Variants in RBM12B observed in about 807,000 individuals in gnomAD.
RBM12B encodes the protein RNA-binding protein 12B.
In RBM12B, 10 loss-of-function variants were observed where a neutral mutation model predicts 34.3. That is an observed-to-expected ratio of 0.29 (90% CI 0.18 to 0.49). The LOEUF (loss-of-function observed/expected upper bound fraction) is 0.49. Ranked by LOEUF, RBM12B falls within the 20% of genes least tolerant of loss-of-function variation. RBM12B has a pLI of 0.99. For missense variants in RBM12B, 1,139 were observed against 1,262.7 expected (o/e 0.90, Z 1.48); for synonymous variants, 477 against 437.1 (o/e 1.09, Z -1.14).
Position 93,728,477 on chromosome 8 carries a change from C to T in RBM12B, c.*4928G>A. On this transcript the variant is annotated 3_prime_UTR_variant, in exon 4 of 4. Coordinates refer to ENST00000520560, the MANE Select transcript of RBM12B (RefSeq NM_001377960.1). ...GCTTTAAAAAATATTGCATACCAGTCATTTCAACATCCTACCTAGTGTTAC... is the reference window on the plus strand; with the variant it reads ...GCTTTAAAAAATATTGCATACCAGTTATTTCAACATCCTACCTAGTGTTAC... 2.2e-6 allele frequency: 1 copy of T among 464,426 alleles called. No individual in the cohort carries two copies. The highest frequency in any genetic ancestry group is 4.1e-5 in the South Asian group (1 of 24,346). The allele number at this position is 464,426 out of a possible 1,614,324, so 28.8% of individuals were successfully genotyped here.
chr8:93,734,435 A>G lies in RBM12B; in HGVS notation c.1976T>C (p.Leu659Ser), dbSNP rs1175336737. 6.2e-7 allele frequency: 1 copy of G among 1,605,052 alleles called. No individual in the cohort carries two copies. The highest frequency in any genetic ancestry group is 2.3e-5 in the East Asian group (1 of 44,184). ...GAAATCTTCCTCTGGGAGCCACCTT[A>G]AGTCCTCCTCAGGGGGTTGCCTGAA... ...EDFRQPPEED[L>S]RWLPEEDFRR... is the part of the protein sequence containing the mutation. Residue 659 changes from leucine (L) to serine (S), a missense_variant, in exon 4 of 4, where the codon TTA becomes TCA. Leu to Ser is a moderately radical substitution (Grantham distance 145). Around this residue, in one of 3 missense-constraint regions of RBM12B, gnomAD observed 863 missense variants for 869.5 expected, o/e 0.99. Transcript: ENST00000520560.
At chr8:93,737,725 G>C (rs943500791) in intron 2 of RBM12B, among the ~76,000 whole-genome samples, 1 of 150,802 alleles carries the variant, frequency 6.6e-6, no homozygotes, top group Non-Finnish European at 1.5e-5. Context: ...TCTATCCTTA[G>C]GGTCTATACA....
At position 93,733,612 on chromosome 8, in the gene RBM12B, T is replaced by G. The variant is rs747435563; in HGVS notation, c.2799A>C (p.Pro933=). 2 of 1,613,956 alleles carry G rather than the reference T, an allele frequency of 1.2e-6. No individual in the cohort carries two copies. Among genetic ancestry groups the G allele is most frequent in the Non-Finnish European group, 1.7e-6 (2 of 1,179,904 alleles). The part of the protein sequence containing the change: ...RVTPIKIMNL[P]FKANVNEILD... ...AAATTTCATTCACATTAGCTTTAAA[T>G]GGAAGATTCATTATCTTAATAGGAG... Residue 933 remains proline (P), a synonymous_variant, in exon 4 of 4, where the codon CCA becomes CCC. Transcript: ENST00000520560.
chr8:93,739,017 A>G (rs1483872781), intron 2 of RBM12B: 5 of 152,356 alleles, frequency 3.3e-5, no homozygotes, highest in Non-Finnish European at 5.9e-5. Flanking sequence ...AAAAAAAGAA[A>G]AAAAGCCTAT....
rs1390203027 is a variant in RBM12B at position 93,735,550 on chromosome 8, G to A, written c.861C>T (p.His287=). 3 of 1,613,908 alleles carry A rather than the reference G, an allele frequency of 1.9e-6. No individual in the cohort carries two copies. In the African/African-American group the frequency reaches 4.0e-5, roughly 22 times the overall value. Residue 287 remains histidine, a synonymous_variant, in exon 4 of 4, where the codon CAC becomes CAT. Transcript: ENST00000520560. ...RSRSPLGFYV[H]LKNLSLSIDE... is the part of the protein sequence containing the mutation. Reference sequence around the variant, plus strand: ...CAATACTGAGGGACAGATTTTTTAAGTGAACATAAAATCCAAGAGGGGAAC... The same window carrying A: ...CAATACTGAGGGACAGATTTTTTAAATGAACATAAAATCCAAGAGGGGAAC...
rs376017277 is a variant in RBM12B, at chr8:93,735,809, A to G, written c.602T>C (p.Phe201Ser). ...TCCTGAAGCATCAACACATGAAGCA[A>G]ATTTTACTATGGCATCACCATTATT... ...GRNNGDAIVK[F>S]ASCVDASGGL... Residue 201 changes from phenylalanine (F) to serine (S), a missense_variant, in exon 4 of 4, where the codon TTT (phenylalanine) becomes TCT (serine). Coordinates refer to ENST00000520560, the MANE Select transcript of RBM12B (RefSeq NM_001377960.1). 1.2e-6 allele frequency: 2 copies of G among 1,614,136 alleles called. No individual in the cohort carries two copies. Among genetic ancestry groups the G allele is most frequent in the Admixed American group, 1.7e-5 (1 of 60,026 alleles).
In RBM12B at chr8:93,729,414, T is replaced by G. The variant is rs1811698850; in HGVS notation, c.*3991A>C. On this transcript the variant is annotated 3_prime_UTR_variant, in exon 4 of 4. Coordinates refer to ENST00000520560, the MANE Select transcript of RBM12B (RefSeq NM_001377960.1). Reference sequence around the variant, plus strand: ...CAAGATATCATTGGATATTTACTGCTTCCTCACTCAGTATTTAAATTTGGT... The same window carrying G: ...CAAGATATCATTGGATATTTACTGCGTCCTCACTCAGTATTTAAATTTGGT... The G allele has an allele frequency of 1.3e-5, 2 of 152,174 alleles. No individual in the cohort carries two copies. Among genetic ancestry groups the G allele is most frequent in the Admixed American group, 1.3e-4 (2 of 15,274 alleles). 9.4% of individuals were successfully genotyped at this position (152,174 alleles called of 1,614,324 possible). A position where few individuals can be genotyped will look rare whatever the true frequency, so the allele number is the denominator to read the frequency against.
At chr8:93,738,906 A>G (rs1812107735) in intron 2 of RBM12B, 1 of 152,242 alleles carries the variant, frequency 6.6e-6, no homozygotes, top group Non-Finnish European at 1.5e-5. Flanking sequence ...GGGTACGTAG[A>G]TTAACCAGAA....
rs1172271050 is a variant in RBM12B at position 93,730,547 on chromosome 8, G to A, written c.*2858C>T. 3 of 152,196 alleles carry A rather than the reference G, an allele frequency of 2.0e-5. No homozygotes were observed. The highest frequency in any genetic ancestry group is 2.9e-5 in the Non-Finnish European group (2 of 68,048). 9.4% of individuals were successfully genotyped at this position (152,196 alleles called of 1,614,324 possible). A position where few individuals can be genotyped will look rare whatever the true frequency, so the allele number is the denominator to read the frequency against. ...ACGACAATTACTGAAGCTGAGTGAT[G>A]TGTACATGAAAATTTACTATTCTTT... On this transcript the variant is annotated 3_prime_UTR_variant, in exon 4 of 4. Transcript: ENST00000520560.
In RBM12B at chr8:93,735,958, C is replaced by T. The variant is rs1812006791; in HGVS notation, c.453G>A (p.Lys151=). The part of the protein sequence containing the change: ...NLRPRKTRPL[K]AENPYLFLRG... ...GTAGAAACAAGTAAGGATTCTCGGC[C>T]TTCAATGGCCTTGTCTTTCTTGGCC... Residue 151 remains lysine (K), a synonymous_variant, in exon 4 of 4, where the codon AAG becomes AAA. Transcript: ENST00000520560. The T allele has an allele frequency of 6.2e-7, 1 of 1,614,108 alleles. No homozygotes were observed. Among genetic ancestry groups the T allele is most frequent in the South Asian group, 1.1e-5 (1 of 91,086 alleles).
rs745616903 is a variant in RBM12B, at chr8:93,728,163, A to T, written c.*5242T>A. The T allele has an allele frequency of 1.6e-6, 2 of 1,289,982 alleles. No individual in the cohort carries two copies. Among genetic ancestry groups the T allele is most frequent in the Non-Finnish European group, 1.0e-6 (1 of 956,348 alleles). The allele number at this position is 1,289,982 out of a possible 1,614,324, so 79.9% of individuals were successfully genotyped here. A position where few individuals can be genotyped will look rare whatever the true frequency, so the allele number is the denominator to read the frequency against. On this transcript the variant is annotated 3_prime_UTR_variant, in exon 4 of 4. Transcript: ENST00000520560. ...ATACCAAGAATGTAAAATTTTTTTA[A>T]GTTAGTATTTTTATTTTAAAAAGTG...
Position 93,735,551 on chromosome 8 carries a change from T to C in RBM12B, c.860A>G (p.His287Arg), listed in dbSNP as rs971513049. ...AATACTGAGGGACAGATTTTTTAAGTGAACATAAAATCCAAGAGGGGAACG... is the reference window on the plus strand; with the variant it reads ...AATACTGAGGGACAGATTTTTTAAGCGAACATAAAATCCAAGAGGGGAACG... The part of the protein sequence containing the change: ...RSRSPLGFYV[H>R]LKNLSLSIDE... The change falls in exon 4 of 4, where the codon CAC becomes CGC. Residue 287 changes from histidine (H) to arginine (R), a missense_variant. Physicochemically the swap from His to Arg is conservative, Grantham distance 29 (BLOSUM62 0). Coordinates refer to ENST00000520560, the MANE Select transcript of RBM12B (RefSeq NM_001377960.1). 2 of 1,614,068 alleles carry C rather than the reference T, an allele frequency of 1.2e-6. No homozygotes were observed. The highest frequency in any genetic ancestry group is 1.7e-6 in the Non-Finnish European group (2 of 1,180,028).
chr8:93,735,332 C>G lies in RBM12B; in HGVS notation c.1079G>C (p.Arg360Thr). ...TGCAATGAACTTCAGCATTTGTTTT[C>G]TAGAAATTGGATCAATATGAACTGG... ...YRPVHIDPIS[R>T]KQMLKFIARY... Residue 360 changes from arginine (R) to threonine (T), a missense_variant, in exon 4 of 4, where the codon AGA becomes ACA. Around this residue, in one of 3 missense-constraint regions of RBM12B, gnomAD observed 863 missense variants for 869.5 expected, o/e 0.99. Transcript: ENST00000520560. 1 of 1,613,918 alleles carries G rather than the reference C, an allele frequency of 6.2e-7. No homozygotes were observed. Among genetic ancestry groups the G allele is most frequent in the Non-Finnish European group, 8.5e-7 (1 of 1,180,026 alleles).
In RBM12B at chr8:93,736,442, C is replaced by A; in HGVS notation, c.-28-4G>T. ...CTCAAACCACAGCAATAATGACCTG[C>A]AGACAAAAAGGTACACATAATAGCA... On this transcript the variant is annotated splice_polypyrimidine_tract_variant and splice_region_variant and intron_variant, in intron 3 of 3. Coordinates refer to ENST00000520560, the MANE Select transcript of RBM12B (RefSeq NM_001377960.1). 1 of 1,516,182 alleles carries A rather than the reference C, an allele frequency of 6.6e-7. No homozygotes were observed. 93.9% of individuals were successfully genotyped at this position (1,516,182 alleles called of 1,614,324 possible).
At position 93,729,319 on chromosome 8, in the gene RBM12B, G is replaced by A. The variant is rs2130410121; in HGVS notation, c.*4086C>T. 1 of 152,214 alleles carries A rather than the reference G, an allele frequency of 6.6e-6. No individual in the cohort carries two copies. Among genetic ancestry groups the A allele is most frequent in the South Asian group, 2.1e-4 (1 of 4,822 alleles). The allele number at this position is 152,214 out of a possible 1,614,324, so 9.4% of individuals were successfully genotyped here. On this transcript the variant is annotated 3_prime_UTR_variant, in exon 4 of 4. Coordinates refer to ENST00000520560, the MANE Select transcript of RBM12B (RefSeq NM_001377960.1). ...CCTGAGAATAGTCCTAAGTGACAAA[G>A]TTGTTTCAGTACTTTTTTGTAAAAT...
At chr8:93,737,959 A>G (rs966967891) in intron 2 of RBM12B, among the ~76,000 whole-genome samples, 87 of 152,322 alleles carry the variant, frequency 5.7e-4, no homozygotes, top group African/African-American at 1.9e-3. Flanking sequence ...AAAATTACAC[A>G]ATAAATGAAT....
At chr8:93,737,446 TA>T (rs1183693861) in intron 2 of RBM12B, 91 bp from the exon 3 acceptor site, 1 of 152,208 alleles carries the variant, frequency 6.6e-6, no homozygotes, top group Non-Finnish European at 1.5e-5. Context: ...CAGAATTACC[TA>T]TCAAAAGTGA....
intron 2 of RBM12B, chr8:93,739,251 T>C (rs550912709): frequency 1.3e-5 from 2 of 152,296 alleles, no homozygotes; most frequent in South Asian, 4.1e-4. Context: ...GAACATAAAT[T>C]CATCTACAAG....
rs1006349427 is a variant in RBM12B at position 93,730,737 on chromosome 8, T to G, written c.*2668A>C. 5.3e-5 allele frequency: 8 copies of G among 152,166 alleles called. No homozygotes were observed. Among genetic ancestry groups the G allele is most frequent in the African/African-American group, 1.9e-4 (8 of 41,436 alleles). The allele number at this position is 152,166 out of a possible 1,614,324, so 9.4% of individuals were successfully genotyped here. On this transcript the variant is annotated 3_prime_UTR_variant, in exon 4 of 4. Coordinates refer to ENST00000520560, the MANE Select transcript of RBM12B (RefSeq NM_001377960.1). ...CACTAAAGGCAGAGTTGGAGAGAGA[T>G]GTGCAAAGATGGCTCCCAACTAGAA... is the stretch of plus-strand genomic sequence containing the variant.
Sources: gnomAD v4.1 joint callset for allele counts (sites outside exome capture counted in the v4.1 genomes callset) on GRCh38, gnomAD v4.1.1 for gene constraint, gnomAD v4.1.1 regional missense constraint, MANE v1.5 for transcripts, NCBI Gene and HGNC (gene_info 2026-07-23, HGNC 2026-07-21) for gene names.